NGRN: variants seen among roughly 807,000 people sequenced by gnomAD.
NGRN encodes the protein neugrin, neurite outgrowth associated, also known as neugrin.
Under a neutral mutation model 13.1 loss-of-function variants are expected in NGRN, and 12 were observed. That is an observed-to-expected ratio of 0.92 (90% CI 0.59 to 1.49). NGRN has a LOEUF of 1.49. NGRN is among the 40% of genes most tolerant of loss of function. NGRN has a pLI of 0.00. For missense variants in NGRN, 397 were observed against 357.0 expected (o/e 1.11, Z -0.90); for synonymous variants, 149 against 145.8 (o/e 1.02, Z -0.16).
intron 2 of NGRN, among the ~76,000 whole-genome samples, chr15:90,270,602 C>G (rs1963488952): frequency 6.6e-6 from 1 of 152,202 alleles, no homozygotes; most frequent in African/African-American, 2.4e-5. Context: ...CACTCCCAAA[C>G]TATGTAATGG....
In NGRN at chr15:90,271,897, AGAGGTGTT is replaced by A. The variant is rs752016376; in HGVS notation, c.*113_*120del. The A allele has an allele frequency of 1.4e-6, 2 of 1,444,360 alleles. No individual in the cohort carries two copies. The highest frequency in any genetic ancestry group is 1.9e-6 in the Non-Finnish European group (2 of 1,068,586). 89.5% of individuals were successfully genotyped at this position (1,444,360 alleles called of 1,614,324 possible). On this transcript the variant is annotated 3_prime_UTR_variant, in exon 3 of 3. Coordinates refer to ENST00000379095, the MANE Select transcript of NGRN (RefSeq NM_001033088.3). ...ATGGATAAGCCACCTTGGAATAGGA[AGAGGTGTT>A]GAGCCTGGACTGTGGGAGGAAAGAG...
chr15:90,269,162 ATTTTTTTTTTTTTT>A (rs34266380), intron 2 of NGRN, among the ~76,000 whole-genome samples: 2 of 89,618 alleles, frequency 2.2e-5, no homozygotes, highest in East Asian at 3.4e-4. Flanking sequence ...TACCTGGCTA[ATTTTTTTTTTTTTT>A]TTTTTTTTTT....
At position 90,271,700 on chromosome 15, in the gene NGRN, C is replaced by T; in HGVS notation, c.788C>T (p.Ala263Val). The T allele has an allele frequency of 6.2e-7, 1 of 1,614,162 alleles. No individual in the cohort carries two copies. The highest frequency in any genetic ancestry group is 8.5e-7 in the Non-Finnish European group (1 of 1,180,050). Reference sequence around the variant, plus strand: ...GGTCAGAAGCTGGAGGAGTTGAAGGCAGAGGAGCCAGATAACTTCAGCAGC... The same window carrying T: ...GGTCAGAAGCTGGAGGAGTTGAAGGTAGAGGAGCCAGATAACTTCAGCAGC... ...PSGQKLEELK[A>V]EEPDNFSSKV... The change falls in exon 3 of 3, where the codon GCA becomes GTA. Residue 263 changes from alanine (A) to valine (V), a missense_variant. Physicochemically the swap from Ala to Val is moderately conservative, Grantham distance 64. Coordinates refer to ENST00000379095, the MANE Select transcript of NGRN (RefSeq NM_001033088.3).
intron 1 of NGRN, 44 bp downstream of exon 1, chr15:90,265,920 T>C: frequency 6.9e-7 from 1 of 1,446,010 alleles, no homozygotes; most frequent in Non-Finnish European, 9.1e-7. Flanking sequence ...CAGGGCCTCG[T>C]GCCCCGGCGC....
Position 90,271,675 on chromosome 15 carries a change from G to A in NGRN, c.763G>A (p.Gly255Ser). 6.2e-7 allele frequency: 1 copy of A among 1,614,186 alleles called. No individual in the cohort carries two copies. The highest frequency in any genetic ancestry group is 8.5e-7 in the Non-Finnish European group (1 of 1,180,032). Reference sequence around the variant, plus strand: ...AACTGGCAGTGGTGCGTTGCCAAGTGGTCAGAAGCTGGAGGAGTTGAAGGC... The same window carrying A: ...AACTGGCAGTGGTGCGTTGCCAAGTAGTCAGAAGCTGGAGGAGTTGAAGGC... ...RGTGSGALPS[G>S]QKLEELKAEE... Residue 255 changes from glycine (G) to serine (S), a missense_variant, in exon 3 of 3, where the codon GGT becomes AGT. Transcript: ENST00000379095.
Position 90,271,184 on chromosome 15 carries a change from G to T in NGRN, c.276-4G>T, listed in dbSNP as rs375937415. On this transcript the variant is annotated splice_region_variant and splice_polypyrimidine_tract_variant and intron_variant, in intron 2 of 2. Coordinates refer to ENST00000379095, the MANE Select transcript of NGRN (RefSeq NM_001033088.3). ...ACTTGCAAACCTGCTCCTTCTTCCC[G>T]TAGGTATTTACATGAGGAATTTCCA... 1.2e-6 allele frequency: 2 copies of T among 1,604,852 alleles called. No homozygotes were observed. The highest frequency in any genetic ancestry group is 1.1e-5 in the South Asian group (1 of 90,582).
rs74037080 is a variant in NGRN at position 90,266,143 on chromosome 15, G to A, written c.165-145G>A. On this transcript the variant is annotated intron_variant, in intron 1 of 2. Coordinates refer to ENST00000379095, the MANE Select transcript of NGRN (RefSeq NM_001033088.3). Reference sequence around the variant, plus strand: ...CTAGGTGTTAGCTTTCTGGGTGTACGGAGCAGCTCTAAGCCGGCAACATGG... The same window carrying A: ...CTAGGTGTTAGCTTTCTGGGTGTACAGAGCAGCTCTAAGCCGGCAACATGG... 15,973 of 1,454,720 alleles carry A rather than the reference G, an allele frequency of 0.011. 1,357 individuals carry two copies. In the African/African-American group the frequency reaches 0.19, roughly 17 times the overall value. The allele number at this position is 1,454,720 out of a possible 1,614,324, so 90.1% of individuals were successfully genotyped here.
Position 90,266,296 on chromosome 15 carries a change from A to C in NGRN, c.173A>C (p.Lys58Thr), listed in dbSNP as rs868076495. The C allele has an allele frequency of 1.2e-6, 2 of 1,613,382 alleles. No homozygotes were observed. Among genetic ancestry groups the C allele is most frequent in the Middle Eastern group, 1.7e-4 (1 of 6,052 alleles). ...TGGTTCTCTTCCCCCAGCACCCTGA[A>C]ACGACAGAAACAAGCAATCCGATTC... ...RELQEVESTL[K>T]RQKQAIRFQK... Residue 58 changes from lysine to threonine, a missense_variant, in exon 2 of 3, where the codon AAA becomes ACA. Physicochemically the swap from Lys to Thr is moderately conservative, Grantham distance 78 (BLOSUM62 -1). Coordinates refer to ENST00000379095, the MANE Select transcript of NGRN (RefSeq NM_001033088.3).
chr15:90,266,512 G>T, intron 2 of NGRN, 114 bp downstream of exon 2: 1 of 776,514 alleles, frequency 1.3e-6, no homozygotes. Context: ...TTTACTTTTT[G>T]TCGTTGAAAT....
rs1963498196 is a variant in NGRN at position 90,271,269 on chromosome 15, AAG to A, written c.360_361del (p.Arg120SerfsTer22). On this transcript the variant is annotated frameshift_variant, in exon 3 of 3. Coordinates refer to ENST00000379095, the MANE Select transcript of NGRN (RefSeq NM_001033088.3). LOFTEE classifies it low-confidence loss of function (END_TRUNC). ...TTGATGTCAGCACTGATGTGATCCG[AAG>A]AGTTTTAAAAAGCAAGTTTTTACCC... Reference protein sequence around the residue: ...GFDVSTDVIRRVLKSKFLPTL... With the variant: ...GFDVSTDVIRXVLKSKFLPTL... The A allele has an allele frequency of 6.2e-7, 1 of 1,614,170 alleles. No individual in the cohort carries two copies. Among genetic ancestry groups the A allele is most frequent in the African/African-American group, 1.3e-5 (1 of 75,050 alleles).
At chr15:90,266,041 G>T in intron 1 of NGRN, 165 bp downstream of exon 1, 1 of 1,420,238 alleles carries the variant, frequency 7.0e-7, no homozygotes, top group Middle Eastern at 2.6e-4. Context: ...GCTCCCCTGG[G>T]ACCACTGGTC....
intron 2 of NGRN, among the ~76,000 whole-genome samples, chr15:90,268,259 T>A (rs1260756624): frequency 6.6e-6 from 1 of 152,066 alleles, no homozygotes; most frequent in African/African-American, 2.4e-5. Context: ...CACCTCGGCC[T>A]CCCAAAGTGC....
rs1484931304 is a variant in NGRN at position 90,271,858 on chromosome 15, C to T, written c.*70C>T. On this transcript the variant is annotated 3_prime_UTR_variant, in exon 3 of 3. Transcript: ENST00000379095. ...CAAGTATTAATGTATATGGAACAGC[C>T]TGGATTTCTGCATATGGATAAGCCA... 3 of 1,560,056 alleles carry T rather than the reference C, an allele frequency of 1.9e-6. No homozygotes were observed. The highest frequency in any genetic ancestry group is 1.7e-6 in the Non-Finnish European group (2 of 1,151,870).
intron 2 of NGRN, among the ~76,000 whole-genome samples, chr15:90,269,875 C>T (rs1041653998): frequency 3.9e-5 from 6 of 152,176 alleles, no homozygotes; most frequent in Non-Finnish European, 8.8e-5. Context: ...GATGATGCTT[C>T]CCCCAATATT....
chr15:90,271,059 G>T, intron 2 of NGRN, 129 bp from the exon 3 acceptor site: 1 of 1,089,416 alleles, frequency 9.2e-7, no homozygotes, highest in Non-Finnish European at 1.3e-6. Context: ...GCCTCTCAGA[G>T]TTCTGGGATT....
intron 2 of NGRN, among the ~76,000 whole-genome samples, chr15:90,269,215 G>A (rs1209004744): frequency 3.1e-5 from 4 of 127,518 alleles, no homozygotes; most frequent in Non-Finnish European, 4.8e-5. Context: ...TGGGTTCAGC[G>A]TGTTGGCCAG....
At chr15:90,270,102 C>A (rs936482756) in intron 2 of NGRN, among the ~76,000 whole-genome samples, 1 of 152,078 alleles carries the variant, frequency 6.6e-6, no homozygotes, top group African/African-American at 2.4e-5. Flanking sequence ...CTCCCTGTTT[C>A]CCAGGCTGGT....
intron 2 of NGRN, among the ~76,000 whole-genome samples, chr15:90,270,597 C>G (rs776099527): frequency 1.3e-5 from 2 of 152,126 alleles, no homozygotes; most frequent in African/African-American, 2.4e-5. Context: ...GTCCCCACTC[C>G]CAAACTATGT....
intron 2 of NGRN, among the ~76,000 whole-genome samples, chr15:90,267,077 G>C (rs1219731515): frequency 6.6e-6 from 1 of 151,030 alleles, no homozygotes; most frequent in Non-Finnish European, 1.5e-5. Context: ...TGTCGCCAAG[G>C]CTGGAGTACA....
Sources: gnomAD v4.1 joint callset for allele counts (sites outside exome capture counted in the v4.1 genomes callset) on GRCh38, gnomAD v4.1.1 for gene constraint, MANE v1.5 for transcripts, NCBI Gene and HGNC (gene_info 2026-07-23, HGNC 2026-07-21) for gene names.